The following OVCH1 variants were observed in gnomAD, a reference collection of about 807,000 sequenced individuals.
OVCH1 encodes the protein ovochymase 1, also known as ovochymase-1.
Under a neutral mutation model 138.4 loss-of-function variants are expected in OVCH1, and 139 were observed. The ratio of observed to expected loss-of-function variants is 1.00; its 90% confidence interval spans 0.87 to 1.16. OVCH1 has a LOEUF of 1.16. OVCH1 is among the 50% of genes most tolerant of loss of function. OVCH1 has a pLI of 0.00. For missense variants in OVCH1, 1,367 were observed against 1,357.9 expected (o/e 1.01, Z -0.11); for synonymous variants, 453 against 467.8 (o/e 0.97, Z 0.41).
intron 3 of OVCH1, among the ~76,000 whole-genome samples, chr12:29,420,876 T>C (rs952165575): frequency 2.6e-5 from 4 of 152,224 alleles, no homozygotes; most frequent in Admixed American, 2.0e-4. Context: ...GGACAGAAAG[T>C]TTCATTCACC....
rs573685566 is a variant in OVCH1, at chr12:29,420,926, C to T, written c.*71+2201G>A. Among the ~76,000 whole-genome samples, 241 of 152,308 alleles carry T rather than the reference C, an allele frequency of 1.6e-3. 1 individual carries two copies. Among genetic ancestry groups the T allele is most frequent in the African/African-American group, 4.2e-3 (174 of 41,564 alleles). The stretch of plus-strand genomic sequence containing the variant: ...ATTTGCAAGGTGAAGACTATATCAG[C>T]GGGAGCATAAACTTTAATGTTTCTT... On this transcript the variant is annotated intron_variant and NMD_transcript_variant, in intron 3 of 4. Coordinates refer to the OVCH1 transcript ENST00000539117.
chr12:29,452,097 C>G (rs889439877), intron 21 of OVCH1, among the ~76,000 whole-genome samples: 1 of 152,140 alleles, frequency 6.6e-6, no homozygotes, highest in Admixed American at 6.5e-5. Flanking sequence ...TTTCCATGGC[C>G]CGCTGACTCA....
intron 3 of OVCH1, among the ~76,000 whole-genome samples, chr12:29,413,136 A>G (rs1940982920): frequency 1.3e-5 from 2 of 151,708 alleles, no homozygotes; most frequent in South Asian, 2.1e-4. Flanking sequence ...TGTTGAGATT[A>G]TAGGTGTGAG....
At chr12:29,467,607 G>C (rs962402860) in intron 16 of OVCH1, among the ~76,000 whole-genome samples, 1 of 152,140 alleles carries the variant, frequency 6.6e-6, no homozygotes, top group East Asian at 1.9e-4. Flanking sequence ...ATCACAGAAA[G>C]AAAGTCACTG....
chr12:29,411,979 GCTTT>G (rs1433530839), downstream of OVCH1, among the ~76,000 whole-genome samples: 1 of 97,770 alleles, frequency 1.0e-5, no homozygotes, highest in Non-Finnish European at 2.7e-5. Context: ...CTTCCCCGCT[GCTTT>G]ATTTACCTAA....
In OVCH1 at chr12:29,477,249, G is replaced by A. The variant is rs1296266495; in HGVS notation, c.1247-17C>T. On this transcript the variant is annotated splice_polypyrimidine_tract_variant and intron_variant, in intron 11 of 27. Coordinates refer to ENST00000318184, the Ensembl canonical transcript of OVCH1. ...AACCTGACCCTGTGGAAGCATTGGG[G>A]AAATTCAAAGTGAATGGCCAAAGAC... 5 of 1,613,082 alleles carry A rather than the reference G, an allele frequency of 3.1e-6. No homozygotes were observed. Among genetic ancestry groups the A allele is most frequent in the Non-Finnish European group, 4.2e-6 (5 of 1,179,424 alleles).
At chr12:29,437,235 C>T (rs559495644) in intron 26 of OVCH1, among the ~76,000 whole-genome samples, 141 of 152,310 alleles carry the variant, frequency 9.3e-4, no homozygotes, top group Non-Finnish European at 1.6e-3. Context: ...TTCTCCAAGT[C>T]CCCACCCAAT....
intron 14 of OVCH1, among the ~76,000 whole-genome samples, chr12:29,474,074 TACACACACACACACAC>T (rs146655743): frequency 6.9e-6 from 1 of 145,192 alleles, no homozygotes; most frequent in Non-Finnish European, 1.5e-5. Flanking sequence ...CACACACACA[TACACACACACACACAC>T]ACACACACAC....
intron 19 of OVCH1, among the ~76,000 whole-genome samples, chr12:29,461,039 G>T (rs1287859955): frequency 6.6e-6 from 1 of 152,128 alleles, no homozygotes; most frequent in South Asian, 2.1e-4. Flanking sequence ...CCTCATGGAG[G>T]TGAAATCTAT....
chr12:29,474,189 A>G (rs80230529), intron 14 of OVCH1, among the ~76,000 whole-genome samples: 183 of 152,274 alleles, frequency 1.2e-3, no homozygotes, highest in African/African-American at 4.1e-3. Context: ...CCTACTATAT[A>G]TATAATAAAA....
At chr12:29,403,603 G>C in the OVCH1 span, among the ~76,000 whole-genome samples, 1 of 152,100 alleles carries the variant, frequency 6.6e-6, no homozygotes, top group Non-Finnish European at 1.5e-5. Context: ...AGCTTAGAGG[G>C]GTAGGGGGAT....
chr12:29,449,629 G>A (rs1167506905), intron 22 of OVCH1, among the ~76,000 whole-genome samples: 1 of 152,054 alleles, frequency 6.6e-6, no homozygotes, highest in Non-Finnish European at 1.5e-5. Context: ...TAGCAATTGT[G>A]AATGGGAGTT....
At chr12:29,421,749 G>A (rs915617941) in intron 3 of OVCH1, among the ~76,000 whole-genome samples, 1 of 151,956 alleles carries the variant, frequency 6.6e-6, no homozygotes, top group African/African-American at 2.4e-5. Flanking sequence ...AATAATTTTA[G>A]TAACTAAAAA....
chr12:29,472,945 T>C (rs1231041743), intron 15 of OVCH1, 84 bp downstream of exon 15: 2 of 1,198,628 alleles, frequency 1.7e-6, no homozygotes, highest in East Asian at 2.5e-5. Flanking sequence ...TTATAGCCAA[T>C]GTAAGATAAG....
At chr12:29,477,985 A>T (rs907288387) in intron 9 of OVCH1, among the ~76,000 whole-genome samples, 11 of 152,226 alleles carry the variant, frequency 7.2e-5, no homozygotes, top group African/African-American at 2.7e-4. Flanking sequence ...AATAATTTAG[A>T]CAATAAATAT....
chr12:29,456,557 G>C (rs1941956837), intron 19 of OVCH1, among the ~76,000 whole-genome samples: 1 of 152,176 alleles, frequency 6.6e-6, no homozygotes, highest in East Asian at 1.9e-4. Flanking sequence ...AAAACAAACA[G>C]TGGTATTGTT....
intron 5 of OVCH1, among the ~76,000 whole-genome samples, chr12:29,490,737 C>A (rs929758574): frequency 4.6e-5 from 7 of 152,198 alleles, no homozygotes; most frequent in African/African-American, 1.7e-4. Flanking sequence ...CAGGTAATCA[C>A]CCTTCTACTT....
chr12:29,444,069 A>G, intron 24 of OVCH1, 76 bp downstream of exon 24: 1 of 1,446,202 alleles, frequency 6.9e-7, no homozygotes, highest in Non-Finnish European at 9.3e-7. Context: ...TGTTTTAAGC[A>G]AGTACCAAGT....
chr12:29,407,247 T>A, the OVCH1 span, among the ~76,000 whole-genome samples: 1 of 133,352 alleles, frequency 7.5e-6, no homozygotes, highest in Non-Finnish European at 1.8e-5. Flanking sequence ...TTTCTCCCAT[T>A]TTGTGGGTTG....
Sources: gnomAD v4.1 joint callset for allele counts (sites outside exome capture counted in the v4.1 genomes callset) on GRCh38, gnomAD v4.1.1 for gene constraint, MANE v1.5 for transcripts, NCBI Gene and HGNC (gene_info 2026-07-23, HGNC 2026-07-21) for gene names.